RBMS1: variants seen among roughly 807,000 people sequenced by gnomAD.
The protein encoded by RBMS1 is RNA binding motif single stranded interacting protein 1, also known as RNA-binding motif, single-stranded-interacting protein 1.
In RBMS1, 17 loss-of-function variants were observed where a neutral mutation model predicts 62.3. The observed-to-expected ratio is 0.27, with a 90% CI of 0.19 to 0.41. RBMS1 has a LOEUF of 0.41. Among genes scored for constraint, RBMS1 ranks in the 10% least tolerant of loss-of-function variants. The probability of loss-of-function intolerance (pLI) is 1.00; values close to 1 mark genes in which losing one functional copy is unlikely to be tolerated. For missense variants in RBMS1, 334 were observed against 504.5 expected (o/e 0.66, Z 3.24); for synonymous variants, 172 against 170.0 (o/e 1.01, Z -0.09).
chr2:160,444,752 C>T (rs1683567443), intron 1 of RBMS1, among the ~76,000 whole-genome samples: 1 of 152,178 alleles, frequency 6.6e-6, no homozygotes, highest in African/African-American at 2.4e-5. Flanking sequence ...CCTAATCCTA[C>T]AGGTCTGGTG....
chr2:160,375,137 AT>A (rs771990937), intron 1 of RBMS1, among the ~76,000 whole-genome samples: 50 of 152,188 alleles, frequency 3.3e-4, no homozygotes, highest in Non-Finnish European at 4.6e-4. Flanking sequence ...GGACAGTGCC[AT>A]CTCCAGATAA....
At chr2:160,355,432 A>G (rs893017210) in intron 2 of RBMS1, among the ~76,000 whole-genome samples, 3 of 152,106 alleles carry the variant, frequency 2.0e-5, no homozygotes, top group African/African-American at 7.2e-5. Flanking sequence ...AAGAATAAAA[A>G]CAAACTCTTT....
chr2:160,335,306 T>C (rs1691506127), intron 2 of RBMS1, among the ~76,000 whole-genome samples: 1 of 152,092 alleles, frequency 6.6e-6, no homozygotes, highest in Non-Finnish European at 1.5e-5. Flanking sequence ...ACTCAGAATA[T>C]GGAGTAGCTG....
At chr2:160,353,289 A>G (rs1484485634) in intron 2 of RBMS1, among the ~76,000 whole-genome samples, 3 of 152,084 alleles carry the variant, frequency 2.0e-5, no homozygotes, top group African/African-American at 7.2e-5. Flanking sequence ...AGTTCTCTTA[A>G]ACATGTCAGG....
intron 1 of RBMS1, among the ~76,000 whole-genome samples, chr2:160,489,871 A>G (rs1291111781): frequency 6.6e-6 from 1 of 152,166 alleles, no homozygotes; most frequent in Non-Finnish European, 1.5e-5. Flanking sequence ...CAGTTGGTAC[A>G]AAATATGTAG....
intron 1 of RBMS1, among the ~76,000 whole-genome samples, chr2:160,422,616 C>T (rs984112601): frequency 5.3e-5 from 8 of 151,840 alleles, no homozygotes; most frequent in Non-Finnish European, 7.4e-5. Flanking sequence ...ACCACCAGCA[C>T]CCACCCCTCA....
At chr2:160,326,016 T>C (rs1690901713) in intron 2 of RBMS1, among the ~76,000 whole-genome samples, 1 of 152,150 alleles carries the variant, frequency 6.6e-6, no homozygotes. Flanking sequence ...CTTCCACTTG[T>C]GTTATATGGC....
chr2:160,376,793 G>A (rs905717208), intron 1 of RBMS1, among the ~76,000 whole-genome samples: 19 of 151,514 alleles, frequency 1.3e-4, no homozygotes, highest in African/African-American at 2.2e-4. Flanking sequence ...ATGCCATCGC[G>A]TCTGGCTAAT....
intron 2 of RBMS1, among the ~76,000 whole-genome samples, chr2:160,333,219 T>C (rs1691377869): frequency 6.6e-6 from 1 of 152,120 alleles, no homozygotes; most frequent in Non-Finnish European, 1.5e-5. Flanking sequence ...ATCTCTCCTG[T>C]GTTATTTGAG....
chr2:160,318,229 T>TAAAAAAAAAAAAAAAAAAAAAAAATAA lies in RBMS1; in HGVS notation c.252-3_252-2insTTATTTTTTTTTTTTTTTTTTTTTTTT. 1.7e-6 allele frequency: 2 copies of TAAAAAAAAAAAAAAAAAAAAAAAATAA among 1,163,254 alleles called. No individual in the cohort carries two copies. The highest frequency in any genetic ancestry group is 2.2e-6 in the Non-Finnish European group (2 of 929,826). The allele number at this position is 1,163,254 out of a possible 1,614,324, so 72.1% of individuals were successfully genotyped here. A position where few individuals can be genotyped will look rare whatever the true frequency, so the allele number is the denominator to read the frequency against. On this transcript the variant is annotated splice_polypyrimidine_tract_variant and splice_region_variant and intron_variant, in intron 2 of 13. Coordinates refer to ENST00000348849, the MANE Select transcript of RBMS1 (RefSeq NM_016836.4). ...TTTGTGGAGACTATTTTCCCATATC[T>TAAAAAAAAAAAAAAAAAAAAAAAATAA]AAAAAAAAAAAAAAAAAAAAAAAGG...
At chr2:160,292,915 A>ACCG (rs1688754132) in intron 6 of RBMS1, among the ~76,000 whole-genome samples, 1 of 152,166 alleles carries the variant, frequency 6.6e-6, no homozygotes, top group Admixed American at 6.5e-5. Flanking sequence ...GATCTGCAAG[A>ACCG]CCGCCCTTGC....
chr2:160,493,756 T>G lies in RBMS1; in HGVS notation c.-393A>C. ...CTGCGCGGGGCTGAGAGGTGATCAA[T>G]ACAAGTGGAAAGTGCGGCAGCGGCG... On this transcript the variant is annotated 5_prime_UTR_variant, in exon 1 of 14. Transcript: ENST00000348849. 1 of 213,020 alleles carries G rather than the reference T, an allele frequency of 4.7e-6. No homozygotes were observed. The highest frequency in any genetic ancestry group is 9.2e-6 in the Non-Finnish European group (1 of 108,380). The allele number at this position is 213,020 out of a possible 1,614,324, so 13.2% of individuals were successfully genotyped here. A position where few individuals can be genotyped will look rare whatever the true frequency, so the allele number is the denominator to read the frequency against.
intron 4 of RBMS1, among the ~76,000 whole-genome samples, chr2:160,305,811 T>G (rs894142156): frequency 6.6e-6 from 1 of 152,044 alleles, no homozygotes; most frequent in Admixed American, 6.6e-5. Flanking sequence ...TGGACAGAGA[T>G]ATGGTATAAA....
At chr2:160,370,363 A>C (rs1368332878) in intron 1 of RBMS1, among the ~76,000 whole-genome samples, 1 of 152,184 alleles carries the variant, frequency 6.6e-6, no homozygotes, top group Admixed American at 6.5e-5. Context: ...GGCCGGGCGC[A>C]GTGGCTCACG....
chr2:160,437,424 C>T (rs1683153519), intron 1 of RBMS1, among the ~76,000 whole-genome samples: 1 of 152,186 alleles, frequency 6.6e-6, no homozygotes, highest in African/African-American at 2.4e-5. Flanking sequence ...CTACCTAATG[C>T]CTCACTCAAT....
chr2:160,477,378 A>G (rs6432619), intron 1 of RBMS1, among the ~76,000 whole-genome samples: 144,782 of 152,194 alleles, frequency 0.95, 69,049 homozygotes, highest in East Asian at 1. Context: ...TTAATTAAAA[A>G]AATTTTATAT....
chr2:160,285,077 T>C (rs1352212204), intron 7 of RBMS1, 33 bp from the exon 8 acceptor site: 1 of 1,588,788 alleles, frequency 6.3e-7, no homozygotes, highest in Non-Finnish European at 8.6e-7. Flanking sequence ...TAAACATTCA[T>C]CTAGAAAGGC....
At chr2:160,328,919 C>T (rs1364424059) in intron 2 of RBMS1, among the ~76,000 whole-genome samples, 1 of 152,136 alleles carries the variant, frequency 6.6e-6, no homozygotes, top group East Asian at 1.9e-4. Flanking sequence ...AAAACAAGAA[C>T]AGCATGACAG....
Position 160,294,025 on chromosome 2 carries a change from T to C in RBMS1, c.640+6626A>G, listed in dbSNP as rs926386877. 2.0e-5 allele frequency among the ~76,000 whole-genome samples: 3 copies of C among 152,342 alleles called. No homozygotes were observed. The East Asian group carries it at 5.8e-4, about 29-fold the overall frequency. On this transcript the variant is annotated intron_variant, in intron 6 of 13. Coordinates refer to ENST00000348849, the MANE Select transcript of RBMS1 (RefSeq NM_016836.4). ...ATTAAGTGGTTGTGGAAAAACTCGA[T>C]GGAATTCACCTAGCTGTGTCATGAA...
Sources: allele counts gnomAD v4.1 joint callset (sites outside exome capture counted in the v4.1 genomes callset), GRCh38; gene constraint gnomAD v4.1.1; transcripts MANE v1.5; gene names NCBI Gene and HGNC (gene_info 2026-07-23, HGNC 2026-07-21).